FAM118A: variants seen among roughly 807,000 people sequenced by gnomAD.
FAM118A encodes the protein SIR2 antiphage like 2.
A neutral mutation model predicts 38.2 loss-of-function variants in FAM118A; 25 were observed. That is an observed-to-expected ratio of 0.65 (90% CI 0.48 to 0.91). The LOEUF is 0.91. FAM118A is among the 40% of genes least tolerant of loss of function. The probability of loss-of-function intolerance (pLI) is 0.00; values close to 1 mark genes in which losing one functional copy is unlikely to be tolerated. For missense variants in FAM118A, 425 were observed against 463.3 expected (o/e 0.92, Z 0.76); for synonymous variants, 178 against 184.1 (o/e 0.97, Z 0.27).
intron 3 of FAM118A, among the ~76,000 whole-genome samples, chr22:45,326,900 C>T (rs1175709369): frequency 2.1e-5 from 3 of 141,322 alleles, no homozygotes; most frequent in Non-Finnish European, 3.0e-5. Context: ...GTCCCAGCTA[C>T]TTGGGAGGCT....
chr22:45,309,323 C>G (rs2084273103), upstream of FAM118A: 1 of 152,178 alleles, frequency 6.6e-6, no homozygotes, highest in African/African-American at 2.4e-5. Flanking sequence ...CTTCTGGGAA[C>G]CCCCAGTGGA....
In FAM118A at chr22:45,327,621, G is replaced by A. The variant is rs78493326; in HGVS notation, c.301-221G>A. On this transcript the variant is annotated intron_variant, in intron 3 of 8. Coordinates refer to ENST00000441876, the MANE Select transcript of FAM118A (RefSeq NM_017911.4). ...CTGTCCACCTCCCCTGACAGCGCCT[G>A]CCCCCGTCTCTGCCGTGCTTTCCTG... 4.1e-3 allele frequency among the ~76,000 whole-genome samples: 625 copies of A among 152,292 alleles called. 14 individuals are homozygous for A. Among genetic ancestry groups the A allele is most frequent in the East Asian group, 0.041 (212 of 5,166 alleles).
chr22:45,313,076 C>G (rs1167004005), intron 1 of FAM118A, among the ~76,000 whole-genome samples: 1 of 152,134 alleles, frequency 6.6e-6, no homozygotes, highest in Non-Finnish European at 1.5e-5. Flanking sequence ...CAGGGCCTAT[C>G]TGCGTCAATC....
At chr22:45,335,985 G>A (rs187822021) in intron 7 of FAM118A, among the ~76,000 whole-genome samples, 1 of 152,208 alleles carries the variant, frequency 6.6e-6, no homozygotes, top group Non-Finnish European at 1.5e-5. Context: ...TTCCCTGGCT[G>A]TTTGGCCCAG....
intron 1 of FAM118A, among the ~76,000 whole-genome samples, chr22:45,312,629 T>C (rs73169226): frequency 0.029 from 4,418 of 152,226 alleles, 107 homozygotes; most frequent in Non-Finnish European, 0.041. Flanking sequence ...AGCTGAGATT[T>C]TGACACTGCA....
At chr22:45,331,554 A>G (rs998937155) in intron 5 of FAM118A, among the ~76,000 whole-genome samples, 7 of 151,926 alleles carry the variant, frequency 4.6e-5, no homozygotes, top group South Asian at 2.1e-4. Context: ...GGTCTTCCTG[A>G]TGCCCTAGAA....
intron 3 of FAM118A, among the ~76,000 whole-genome samples, chr22:45,325,126 G>T (rs2085167820): frequency 6.6e-6 from 1 of 152,246 alleles, no homozygotes; most frequent in Admixed American, 6.5e-5. Flanking sequence ...TCGAAGGGAG[G>T]CCAGGGAAGG....
chr22:45,336,628 T>C (rs774262690), intron 8 of FAM118A, among the ~76,000 whole-genome samples: 1 of 152,122 alleles, frequency 6.6e-6, no homozygotes, highest in Non-Finnish European at 1.5e-5. Flanking sequence ...TGGTACCTCT[T>C]TAGAAAAATG....
chr22:45,335,726 A>G (rs1265879003), intron 7 of FAM118A, among the ~76,000 whole-genome samples: 3 of 152,202 alleles, frequency 2.0e-5, no homozygotes, highest in African/African-American at 4.8e-5. Context: ...AGAATGACCC[A>G]GCTCTTCCGA....
At chr22:45,336,142 T>C (rs1228244773) in intron 7 of FAM118A, among the ~76,000 whole-genome samples, 186 bp from the exon 8 acceptor site, 3 of 152,226 alleles carry the variant, frequency 2.0e-5, no homozygotes, top group South Asian at 2.1e-4. Context: ...TACACTTGCT[T>C]TCTCACTGAA....
intron 2 of FAM118A, 134 bp from the exon 3 acceptor site, chr22:45,323,041 C>CTGTGTGTG (rs3041118): frequency 0.067 from 43,983 of 651,972 alleles, 833 homozygotes; most frequent in African/African-American, 0.13. Flanking sequence ...TCAGAGGGGA[C>CTGTGTGTG]TGTGTGTGTG....
At chr22:45,314,905 C>T (rs1261214933) in intron 1 of FAM118A, among the ~76,000 whole-genome samples, 1 of 152,162 alleles carries the variant, frequency 6.6e-6, no homozygotes, top group Non-Finnish European at 1.5e-5. Context: ...GGAAGAAAGG[C>T]GCAAGAATAT....
chr22:45,322,337 A>C, intron 1 of FAM118A, 34 bp from the exon 2 acceptor site: 1 of 1,596,148 alleles, frequency 6.3e-7, no homozygotes, highest in Non-Finnish European at 8.5e-7. Flanking sequence ...TACCTGGGAG[A>C]CAGAAGTCAC....
intron 8 of FAM118A, chr22:45,337,940 G>A (rs2086221830): frequency 1.0e-6 from 1 of 966,918 alleles, no homozygotes; most frequent in African/African-American, 1.8e-5. Flanking sequence ...AAGAGGGTCT[G>A]ATGGGAACCT....
intron 1 of FAM118A, among the ~76,000 whole-genome samples, chr22:45,319,382 C>T (rs909612911): frequency 6.6e-6 from 1 of 152,200 alleles, no homozygotes; most frequent in Non-Finnish European, 1.5e-5. Flanking sequence ...TTGAATTAGC[C>T]AGCTGATGAG....
intron 1 of FAM118A, among the ~76,000 whole-genome samples, chr22:45,320,606 T>C (rs1324645347): frequency 1.3e-5 from 2 of 152,120 alleles, no homozygotes; most frequent in Non-Finnish European, 2.9e-5. Flanking sequence ...GGCTAATTTT[T>C]GTATTTTTTG....
Position 45,321,023 on chromosome 22 carries a change from T to C in FAM118A, c.-9-1348T>C, listed in dbSNP as rs180753429. ...TATATATACATTACACTTACATTTA[T>C]GAATAGTTTTTAATAACATAAAGGA... is the stretch of plus-strand genomic sequence containing the variant. On this transcript the variant is annotated intron_variant, in intron 1 of 8. Transcript: ENST00000441876. Among the ~76,000 whole-genome samples the C allele has an allele frequency of 2.0e-5, 3 of 152,384 alleles. 1 individual carries two copies. Among genetic ancestry groups the C allele is most frequent in the South Asian group, 4.1e-4 (2 of 4,832 alleles).
Position 45,320,519 on chromosome 22 carries a change from C to G in FAM118A, c.-9-1852C>G, listed in dbSNP as rs188958326. Reference sequence around the variant, plus strand: ...TGGCACAGTCGTGGTTCACTGCAGCCTCAACCTCCTGGGCTCAGGTGATTT... The same window carrying G: ...TGGCACAGTCGTGGTTCACTGCAGCGTCAACCTCCTGGGCTCAGGTGATTT... On this transcript the variant is annotated intron_variant, in intron 1 of 8. Transcript: ENST00000441876. Among the ~76,000 whole-genome samples, 597 of 152,138 alleles carry G rather than the reference C, an allele frequency of 3.9e-3. 2 individuals carry two copies. The highest frequency in any genetic ancestry group is 4.1e-3 in the Non-Finnish European group (279 of 67,994).
At chr22:45,334,719 G>A (rs1368967258) in intron 6 of FAM118A, among the ~76,000 whole-genome samples, 1 of 152,212 alleles carries the variant, frequency 6.6e-6, no homozygotes, top group Non-Finnish European at 1.5e-5. Flanking sequence ...AGCTGGGATT[G>A]GGATCCTGGC....
Sources: allele counts gnomAD v4.1 joint callset (sites outside exome capture counted in the v4.1 genomes callset), GRCh38; gene constraint gnomAD v4.1.1; transcripts MANE v1.5; gene names NCBI Gene and HGNC (gene_info 2026-07-23, HGNC 2026-07-21).